The following CDK6 variants were observed in gnomAD, a reference collection of about 807,000 sequenced individuals.
The protein encoded by CDK6 is cyclin dependent kinase 6, also known as cyclin-dependent kinase 6.
Under a neutral mutation model 37.1 loss-of-function variants are expected in CDK6, and 6 were observed. That is an observed-to-expected ratio of 0.16 (90% CI 0.09 to 0.32). The LOEUF is 0.32. Ranked by LOEUF, CDK6 falls within the 10% of genes least tolerant of loss-of-function variation. The pLI is 1.00. For synonymous variants in CDK6, 160 were observed against 161.3 expected, an observed-to-expected ratio of 0.99 and a Z score of 0.06; for missense variants, 224 against 418.9, an observed-to-expected ratio of 0.53 and a Z score of 4.06.
intron 5 of CDK6, among the ~76,000 whole-genome samples, chr7:92,658,573 CTCTCTCTT>C (rs1263470041): frequency 1.4e-5 from 2 of 142,042 alleles, no homozygotes; most frequent in Non-Finnish European, 3.2e-5. Context: ...TTTATAAACT[CTCTCTCTT>C]TCTCTCTCTC....
intron 4 of CDK6, among the ~76,000 whole-genome samples, chr7:92,693,808 T>C (rs1201208998): frequency 6.6e-6 from 1 of 152,194 alleles, no homozygotes; most frequent in Admixed American, 6.5e-5. Context: ...ACACATTAAA[T>C]AGGCAAGAGA....
chr7:92,821,208 T>C (rs1310304431), intron 2 of CDK6, among the ~76,000 whole-genome samples: 2 of 151,772 alleles, frequency 1.3e-5, no homozygotes, highest in African/African-American at 2.4e-5. Flanking sequence ...TGTAGGTCAG[T>C]GTAGGTGCTC....
chr7:92,643,046 C>T (rs1221319062), intron 5 of CDK6, among the ~76,000 whole-genome samples: 1 of 152,062 alleles, frequency 6.6e-6, no homozygotes, highest in Non-Finnish European at 1.5e-5. Flanking sequence ...AGGCATGTAC[C>T]ACCACACCTG....
intron 3 of CDK6, among the ~76,000 whole-genome samples, chr7:92,745,920 C>T (rs1438628383): frequency 6.6e-6 from 1 of 152,154 alleles, no homozygotes; most frequent in Non-Finnish European, 1.5e-5. Context: ...ATCTTAGTCT[C>T]TTCCAAAGAG....
chr7:92,825,268 T>C (rs1562976759), intron 2 of CDK6, among the ~76,000 whole-genome samples: 1 of 152,096 alleles, frequency 6.6e-6, no homozygotes, highest in South Asian at 2.1e-4. Context: ...TCAGACATGA[T>C]TACTCATTTC....
chr7:92,679,394 T>C (rs1364600690), intron 4 of CDK6, among the ~76,000 whole-genome samples: 3 of 152,228 alleles, frequency 2.0e-5, no homozygotes, highest in Non-Finnish European at 4.4e-5. Context: ...TAAATATCTT[T>C]GCTGTCCTTT....
At position 92,729,363 on chromosome 7, in the gene CDK6, G is replaced by A. The variant is rs556320138; in HGVS notation, c.370-3570C>T. 4.6e-5 allele frequency among the ~76,000 whole-genome samples: 7 copies of A among 152,240 alleles called. No homozygotes were observed. The South Asian group carries it at 6.2e-4, about 14-fold the overall frequency. Reference sequence around the variant, plus strand: ...CCAATTAAGGCTCTTTCAGTTAAACGCAGGTTTAAAAGTTTCCCTTTTTAT... The same window carrying A: ...CCAATTAAGGCTCTTTCAGTTAAACACAGGTTTAAAAGTTTCCCTTTTTAT... On this transcript the variant is annotated intron_variant, in intron 3 of 7. Transcript: ENST00000424848.
At position 92,614,110 on chromosome 7, in the gene CDK6, A is replaced by G. The variant is rs780216314; in HGVS notation, c.*1030T>C. ...AAATTTCAAGGCCACTCCTGTCTCT[A>G]GTTAGAGAGAACTACTCTCCAAACC... On this transcript the variant is annotated 3_prime_UTR_variant, in exon 8 of 8. Transcript: ENST00000424848. 10 of 233,164 alleles carry G rather than the reference A, an allele frequency of 4.3e-5. No homozygotes were observed. The highest frequency in any genetic ancestry group is 8.5e-5 in the Non-Finnish European group (10 of 118,038). The allele number at this position is 233,164 out of a possible 1,614,324, so 14.4% of individuals were successfully genotyped here.
chr7:92,613,989 G>T lies in CDK6; in HGVS notation c.*1151C>A, dbSNP rs901596319. The T allele has an allele frequency of 4.3e-6, 1 of 233,182 alleles. No homozygotes were observed. The highest frequency in any genetic ancestry group is 8.5e-6 in the Non-Finnish European group (1 of 117,998). 14.4% of individuals were successfully genotyped at this position (233,182 alleles called of 1,614,324 possible). ...GCAATCTGTTATTAGTTATACAATG[G>T]TAGCAATATATTTCAGAAGTGCCGG... On this transcript the variant is annotated 3_prime_UTR_variant, in exon 8 of 8. Coordinates refer to ENST00000424848, the MANE Select transcript of CDK6 (RefSeq NM_001145306.2).
chr7:92,745,729 ATTTC>A (rs1027447663), intron 3 of CDK6, among the ~76,000 whole-genome samples: 5 of 152,170 alleles, frequency 3.3e-5, no homozygotes, highest in African/African-American at 1.2e-4. Flanking sequence ...TGTAGCCGCT[ATTTC>A]CAGGAACCTG....
At chr7:92,829,090 T>C (rs770309566) in intron 2 of CDK6, among the ~76,000 whole-genome samples, 17 of 152,146 alleles carry the variant, frequency 1.1e-4, no homozygotes, top group Non-Finnish European at 2.4e-4. Context: ...CTTTACAGAG[T>C]CAAATATGTC....
chr7:92,753,994 G>C (rs755407281), intron 3 of CDK6, among the ~76,000 whole-genome samples: 1 of 152,084 alleles, frequency 6.6e-6, no homozygotes, highest in African/African-American at 2.4e-5. Flanking sequence ...TATACAATGA[G>C]GGTCTCAGAC....
intron 4 of CDK6, among the ~76,000 whole-genome samples, chr7:92,692,733 C>T (rs1299516209): frequency 2.6e-5 from 4 of 151,188 alleles, no homozygotes; most frequent in Admixed American, 6.6e-5. Flanking sequence ...TGTAGTGAGC[C>T]GTGATCATCA....
intron 3 of CDK6, among the ~76,000 whole-genome samples, chr7:92,762,022 C>T (rs1187416830): frequency 1.3e-5 from 2 of 152,090 alleles, no homozygotes; most frequent in East Asian, 3.9e-4. Context: ...TATTTATGTC[C>T]TTCTGTGGTG....
chr7:92,754,918 T>C (rs1236686007), intron 3 of CDK6, among the ~76,000 whole-genome samples: 7 of 152,132 alleles, frequency 4.6e-5, no homozygotes, highest in African/African-American at 1.7e-4. Flanking sequence ...TTATTGCCGC[T>C]CTAGTCCCCT....
chr7:92,622,007 G>T (rs1388031327), intron 6 of CDK6, among the ~76,000 whole-genome samples: 13 of 139,204 alleles, frequency 9.3e-5, no homozygotes, highest in East Asian at 4.2e-4. Context: ...TTTAGGGGTG[G>T]TTTTTTTTTT....
intron 4 of CDK6, among the ~76,000 whole-genome samples, chr7:92,690,437 G>C (rs533126545): frequency 5.9e-5 from 9 of 152,058 alleles, no homozygotes; most frequent in Non-Finnish European, 1.0e-4. Context: ...GTAGGTGTGC[G>C]GTTTTATTTC....
chr7:92,827,978 A>G (rs1357048205), intron 2 of CDK6, among the ~76,000 whole-genome samples: 1 of 152,066 alleles, frequency 6.6e-6, no homozygotes, highest in Non-Finnish European at 1.5e-5. Flanking sequence ...ATTAACCAGA[A>G]TGTTACATAA....
intron 2 of CDK6, among the ~76,000 whole-genome samples, chr7:92,829,111 T>A (rs1801410701): frequency 6.6e-6 from 1 of 152,176 alleles, no homozygotes; most frequent in Non-Finnish European, 1.5e-5. Flanking sequence ...ATGTTTCTTT[T>A]ACCCTGTTAA....
Sources: gnomAD v4.1 joint callset for allele counts (sites outside exome capture counted in the v4.1 genomes callset) on GRCh38, gnomAD v4.1.1 for gene constraint, MANE v1.5 for transcripts, NCBI Gene and HGNC (gene_info 2026-07-23, HGNC 2026-07-21) for gene names.